Variants in RIT2 observed in about 807,000 individuals in gnomAD.
RIT2 encodes the protein GTP-binding protein Rit2.
Under a neutral mutation model 23.7 loss-of-function variants are expected in RIT2, and 24 were observed. The observed-to-expected ratio is 1.01, with a 90% CI of 0.73 to 1.43. RIT2 has a LOEUF of 1.43. Among genes scored for constraint, RIT2 ranks in the 40% most tolerant of loss-of-function variants. The pLI is 0.00. For missense variants in RIT2, 236 were observed against 266.9 expected (o/e 0.88, Z 0.81); for synonymous variants, 107 against 91.1 (o/e 1.17, Z -0.99).
intron 4 of RIT2, among the ~76,000 whole-genome samples, chr18:42,911,857 T>C (rs1164090338): frequency 2.6e-5 from 4 of 151,752 alleles, no homozygotes; most frequent in Admixed American, 2.6e-4. Context: ...TTTTACCAAA[T>C]ATTCAAAAAA....
intron 2 of RIT2, among the ~76,000 whole-genome samples, chr18:42,997,432 A>G (rs8086600): frequency 0.95 from 144,798 of 151,996 alleles, 69,354 homozygotes; most frequent in East Asian, 1. Flanking sequence ...AAAAACAAAA[A>G]AAAGGAACGA....
intron 4 of RIT2, among the ~76,000 whole-genome samples, chr18:42,881,238 A>C (rs1275335216): frequency 6.6e-6 from 1 of 152,210 alleles, no homozygotes; most frequent in Admixed American, 6.5e-5. Context: ...TTGTTTAAAC[A>C]TCTTGTTGTC....
intron 2 of RIT2, among the ~76,000 whole-genome samples, chr18:42,999,826 C>A (rs531075522): frequency 2.0e-5 from 3 of 151,968 alleles, no homozygotes; most frequent in Non-Finnish European, 4.4e-5. Flanking sequence ...ATGGCAAAAA[C>A]GGCAGACCTC....
chr18:42,912,382 T>G (rs1220750365), intron 4 of RIT2, among the ~76,000 whole-genome samples: 1 of 151,918 alleles, frequency 6.6e-6, no homozygotes, highest in Non-Finnish European at 1.5e-5. Context: ...AAAGATGTCT[T>G]TCCTTACACT....
At chr18:42,787,205 C>T (rs1435252930) in intron 4 of RIT2, among the ~76,000 whole-genome samples, 2 of 144,172 alleles carry the variant, frequency 1.4e-5, no homozygotes, top group African/African-American at 5.1e-5. Context: ...GTTCAATTCC[C>T]ACCTATGAAT....
chr18:43,103,282 A>C (rs1913731491), intron 1 of RIT2, among the ~76,000 whole-genome samples: 1 of 152,172 alleles, frequency 6.6e-6, no homozygotes, highest in Non-Finnish European at 1.5e-5. Context: ...GAATTTCCTC[A>C]AAGATGAAAA....
At chr18:43,093,759 C>T (rs1913480672) in intron 1 of RIT2, among the ~76,000 whole-genome samples, 1 of 152,002 alleles carries the variant, frequency 6.6e-6, no homozygotes, top group Non-Finnish European at 1.5e-5. Context: ...AACTGGGGAA[C>T]TGGTGAAGGT....
chr18:42,919,805 C>T (rs940669184), intron 4 of RIT2, among the ~76,000 whole-genome samples: 7 of 152,072 alleles, frequency 4.6e-5, no homozygotes, highest in Non-Finnish European at 1.0e-4. Context: ...TAGACTGCTT[C>T]TACTTTGCAC....
At chr18:42,946,133 G>A (rs1248759438) in intron 3 of RIT2, among the ~76,000 whole-genome samples, 2 of 152,014 alleles carry the variant, frequency 1.3e-5, no homozygotes, top group Non-Finnish European at 2.9e-5. Flanking sequence ...ACCATAATAT[G>A]TAGACCCTAT....
At chr18:42,800,515 A>T (rs1905501019) in intron 4 of RIT2, among the ~76,000 whole-genome samples, 2 of 41,314 alleles carry the variant, frequency 4.8e-5, no homozygotes. Context: ...AAGCAGTTAC[A>T]TTCTTTTTTT....
chr18:42,826,353 C>A (rs1906297042), intron 4 of RIT2, among the ~76,000 whole-genome samples: 1 of 151,986 alleles, frequency 6.6e-6, no homozygotes, highest in African/African-American at 2.4e-5. Flanking sequence ...AGGTTTATCT[C>A]AACATGATAA....
intron 2 of RIT2, among the ~76,000 whole-genome samples, chr18:43,002,052 G>A (rs149865212): frequency 6.6e-6 from 1 of 152,008 alleles, no homozygotes; most frequent in East Asian, 1.9e-4. Flanking sequence ...AGAGGCCATC[G>A]GCAAGCTGAG....
At chr18:42,875,973 A>G (rs777250028) in intron 4 of RIT2, among the ~76,000 whole-genome samples, 4 of 152,022 alleles carry the variant, frequency 2.6e-5, no homozygotes, top group Non-Finnish European at 5.9e-5. Flanking sequence ...TAGTTTGGAA[A>G]GGGCTTCCCT....
rs1223214724 is a variant in RIT2 at position 42,814,860 on chromosome 18, C to T, written c.427-71140G>A. 2.0e-5 allele frequency among the ~76,000 whole-genome samples: 3 copies of T among 152,100 alleles called. No homozygotes were observed. The South Asian group carries it at 6.2e-4, about 32-fold the overall frequency. On this transcript the variant is annotated intron_variant, in intron 4 of 4. Coordinates refer to ENST00000326695, the MANE Select transcript of RIT2 (RefSeq NM_002930.4). ...TCCACTGGATCAGGTGCTGGTATAC[C>T]ACCCCCAGTACCAGCCTGGAGCCTG...
At chr18:43,073,447 G>C (rs1337261250) in intron 1 of RIT2, among the ~76,000 whole-genome samples, 1 of 152,040 alleles carries the variant, frequency 6.6e-6, no homozygotes, top group Non-Finnish European at 1.5e-5. Context: ...GGCATTTAAA[G>C]GTATAATATC....
At chr18:43,023,131 C>G (rs1216601093) in intron 2 of RIT2, among the ~76,000 whole-genome samples, 2 of 151,978 alleles carry the variant, frequency 1.3e-5, no homozygotes, top group East Asian at 3.9e-4. Flanking sequence ...TCATATTTTC[C>G]CATGTAAGAC....
chr18:42,893,998 C>T (rs1295539485), intron 4 of RIT2, among the ~76,000 whole-genome samples: 2 of 152,004 alleles, frequency 1.3e-5, no homozygotes, highest in Non-Finnish European at 2.9e-5. Context: ...AGTAATTTAC[C>T]AATTGAGAGA....
intron 4 of RIT2, among the ~76,000 whole-genome samples, chr18:42,808,750 G>A (rs936353047): frequency 5.3e-5 from 8 of 152,148 alleles, no homozygotes; most frequent in African/African-American, 1.9e-4. Context: ...ATTTGTTCAT[G>A]TAAATCATCA....
chr18:43,042,687 G>T (rs1912156267), intron 1 of RIT2, among the ~76,000 whole-genome samples: 1 of 152,134 alleles, frequency 6.6e-6, no homozygotes, highest in African/African-American at 2.4e-5. Context: ...TGTTTAGATA[G>T]TTGGGATATG....
Sources: allele counts gnomAD v4.1 joint callset (sites outside exome capture counted in the v4.1 genomes callset), GRCh38; gene constraint gnomAD v4.1.1; transcripts MANE v1.5; gene names NCBI Gene and HGNC (gene_info 2026-07-23, HGNC 2026-07-21).